The following CNTNAP2 variants were observed in gnomAD, a reference collection of about 807,000 sequenced individuals.
The protein encoded by CNTNAP2 is contactin associated protein 2.
CNTNAP2 carries 98 observed loss-of-function variants against 155.2 expected under a neutral mutation model. That is an observed-to-expected ratio of 0.63 (90% CI 0.54 to 0.75). The LOEUF is 0.75. CNTNAP2 is among the 30% of genes least tolerant of loss of function. The probability of loss-of-function intolerance (pLI) is 0.00; values close to 1 mark genes in which losing one functional copy is unlikely to be tolerated. For missense variants in CNTNAP2, 1,727 were observed against 1,688.1 expected, an observed-to-expected ratio of 1.02 and a Z score of -0.40; for synonymous variants, 651 against 631.2, an observed-to-expected ratio of 1.03 and a Z score of -0.47.
At chr7:146,256,927 G>A (rs935932140) in intron 1 of CNTNAP2, among the ~76,000 whole-genome samples, 1 of 152,166 alleles carries the variant, frequency 6.6e-6, no homozygotes, top group Non-Finnish European at 1.5e-5. Context: ...GCTAGAACAA[G>A]TAGAATGTGT....
rs71183016 is a variant in CNTNAP2, at chr7:147,560,168, C to CAAAAAAAAAA, written c.1778-1956_1778-1947dup. Among the ~76,000 whole-genome samples the CAAAAAAAAAA allele has an allele frequency of 2.0e-3, 108 of 52,814 alleles. 5 individuals carry two copies. Among genetic ancestry groups the CAAAAAAAAAA allele is most frequent in the Middle Eastern group, 0.012 (1 of 84 alleles). 34.6% of individuals were successfully genotyped at this position (52,814 alleles called of 152,430 possible). On this transcript the variant is annotated intron_variant, in intron 11 of 23. Coordinates refer to ENST00000361727, the MANE Select transcript of CNTNAP2 (RefSeq NM_014141.6). Reference sequence around the variant, plus strand: ...GGGCAACAAGAACGAAACTCCGTCTCAAAAAAAAAAAAAAAAAAAAAAATT... The same window carrying CAAAAAAAAAA: ...GGGCAACAAGAACGAAACTCCGTCTCAAAAAAAAAAAAAAAAAAAAAAAAAAAAAAAAATT...
At chr7:146,548,787 C>T in intron 1 of CNTNAP2, among the ~76,000 whole-genome samples, 1 of 141,572 alleles carries the variant, frequency 7.1e-6, no homozygotes. Flanking sequence ...AAATATTTTC[C>T]CATTCTCTAG....
intron 13 of CNTNAP2, among the ~76,000 whole-genome samples, chr7:147,761,102 A>G (rs1392106305): frequency 6.6e-6 from 1 of 152,172 alleles, no homozygotes; most frequent in Non-Finnish European, 1.5e-5. Flanking sequence ...GTACCAGAGA[A>G]AATCAATAAA....
At chr7:147,729,698 G>A (rs1339140374) in intron 13 of CNTNAP2, among the ~76,000 whole-genome samples, 2 of 152,058 alleles carry the variant, frequency 1.3e-5, no homozygotes, top group Non-Finnish European at 2.9e-5. Context: ...AGAGAAGATG[G>A]ATTGTAGAAA....
chr7:147,395,614 C>G lies in CNTNAP2; in HGVS notation c.1504C>G (p.Leu502Val), dbSNP rs368470905. 138 of 1,611,654 alleles carry G rather than the reference C, an allele frequency of 8.6e-5. No homozygotes were observed. Among genetic ancestry groups the G allele is most frequent in the Non-Finnish European group, 1.1e-4 (133 of 1,178,286 alleles). The change falls in exon 10 of 24, where the codon CTG (leucine) becomes GTG (valine). Residue 502 changes from leucine (L) to valine (V), a missense_variant. Transcript: ENST00000361727. Reference protein sequence around the residue: ...TGEKYFFGGFLNQMNNSSHSV... With the variant: ...TGEKYFFGGFVNQMNNSSHSV... ...CCATTTCTTCTGTTTCACAGGTTTT[C>G]TGAACCAGATGAATAACTCAAGTCA...
chr7:147,196,068 C>G (rs1802793520), intron 8 of CNTNAP2, among the ~76,000 whole-genome samples: 1 of 152,116 alleles, frequency 6.6e-6, no homozygotes, highest in Admixed American at 6.5e-5. Context: ...CAGACCCATA[C>G]AGATGAAAGA....
chr7:146,646,738 T>C (rs1202208087), intron 1 of CNTNAP2, among the ~76,000 whole-genome samples: 1 of 152,118 alleles, frequency 6.6e-6, no homozygotes, highest in Non-Finnish European at 1.5e-5. Flanking sequence ...GAGTCTTGAG[T>C]CATCAGTTCT....
intron 10 of CNTNAP2, among the ~76,000 whole-genome samples, chr7:147,419,090 A>T (rs1487346123): frequency 4.6e-5 from 7 of 152,264 alleles, no homozygotes; most frequent in Non-Finnish European, 1.0e-4. Context: ...TTCAATGAGC[A>T]TTCAAAGGTT....
chr7:146,585,861 T>C lies in CNTNAP2; in HGVS notation c.98-188410T>C, dbSNP rs201896727. Among the ~76,000 whole-genome samples the C allele has an allele frequency of 1.1e-4, 17 of 151,332 alleles. No individual in the cohort carries two copies. In the East Asian group the frequency reaches 2.1e-3, roughly 19 times the overall value. On this transcript the variant is annotated intron_variant, in intron 1 of 23. Transcript: ENST00000361727. ...AGAAAGAAGAGAGAAAAACAAAGAA[T>C]TGGGGTGGTCGTGTGCACCTATAGT...
intron 2 of CNTNAP2, among the ~76,000 whole-genome samples, chr7:146,832,806 C>T (rs1313076201): frequency 6.6e-6 from 1 of 151,938 alleles, no homozygotes; most frequent in South Asian, 2.1e-4. Flanking sequence ...AGCGATTCTC[C>T]TGCCTCAGCC....
chr7:146,254,077 A>G (rs961333298), intron 1 of CNTNAP2, among the ~76,000 whole-genome samples: 3 of 151,942 alleles, frequency 2.0e-5, no homozygotes, highest in Non-Finnish European at 4.4e-5. Context: ...AAAACAGAAC[A>G]AAACAAAAAG....
chr7:146,527,893 G>A (rs1230732332), intron 1 of CNTNAP2, among the ~76,000 whole-genome samples: 1 of 152,104 alleles, frequency 6.6e-6, no homozygotes, highest in Non-Finnish European at 1.5e-5. Context: ...ACAATGTCCA[G>A]GACAGAGTTT....
chr7:146,977,636 T>A (rs544608574), intron 3 of CNTNAP2, among the ~76,000 whole-genome samples: 1 of 152,344 alleles, frequency 6.6e-6, no homozygotes, highest in South Asian at 2.1e-4. Context: ...ATCAAATGTT[T>A]TAATAAACTC....
intron 17 of CNTNAP2, among the ~76,000 whole-genome samples, chr7:148,151,645 C>T (rs778455342): frequency 3.9e-5 from 6 of 151,900 alleles, no homozygotes; most frequent in Non-Finnish European, 5.9e-5. Context: ...TATCCTTTAC[C>T]TTTTATTCCC....
At chr7:148,008,156 G>C (rs1301755742) in intron 15 of CNTNAP2, among the ~76,000 whole-genome samples, 1 of 151,380 alleles carries the variant, frequency 6.6e-6, no homozygotes, top group Non-Finnish European at 1.5e-5. Flanking sequence ...GAGGTCAGGA[G>C]TTCAAGACCA....
At chr7:147,809,704 T>G (rs1337358514) in intron 13 of CNTNAP2, among the ~76,000 whole-genome samples, 1 of 152,244 alleles carries the variant, frequency 6.6e-6, no homozygotes, top group Non-Finnish European at 1.5e-5. Context: ...GTTTATTTTT[T>G]GCTCCATATT....
intron 10 of CNTNAP2, among the ~76,000 whole-genome samples, chr7:147,440,459 G>T (rs897101733): frequency 9.2e-5 from 14 of 151,976 alleles, no homozygotes; most frequent in African/African-American, 3.4e-4. Context: ...TATTATTTTT[G>T]ATTGGTTTAT....
chr7:147,037,647 G>C (rs762574396), intron 3 of CNTNAP2, among the ~76,000 whole-genome samples: 2 of 151,932 alleles, frequency 1.3e-5, no homozygotes, highest in Non-Finnish European at 2.9e-5. Flanking sequence ...ATTTTTGGCA[G>C]AGACGGGGTT....
At chr7:146,240,484 T>A (rs1332806226) in intron 1 of CNTNAP2, among the ~76,000 whole-genome samples, 1 of 151,878 alleles carries the variant, frequency 6.6e-6, no homozygotes, top group East Asian at 1.9e-4. Flanking sequence ...ATTTGCTAAT[T>A]AATAATTTAA....
Sources: gnomAD v4.1 joint callset for allele counts (sites outside exome capture counted in the v4.1 genomes callset) on GRCh38, gnomAD v4.1.1 for gene constraint, MANE v1.5 for transcripts, NCBI Gene and HGNC (gene_info 2026-07-23, HGNC 2026-07-21) for gene names.